The following PCSK2 variants were observed in gnomAD, a reference collection of about 807,000 sequenced individuals.
The protein encoded by PCSK2 is proprotein convertase subtilisin/kexin type 2, also known as neuroendocrine convertase 2.
PCSK2 carries 14 observed loss-of-function variants against 69.7 expected under a neutral mutation model. That is an observed-to-expected ratio of 0.20 (90% confidence interval 0.13 to 0.31). The LOEUF is 0.31. PCSK2 is among the 10% of genes least tolerant of loss of function. The pLI is 1.00. For synonymous variants in PCSK2, 307 were observed against 320.7 expected, an observed-to-expected ratio of 0.96 and a Z score of 0.46; for missense variants, 544 against 842.5, an observed-to-expected ratio of 0.65 and a Z score of 4.39.
rs57033523 is a variant in PCSK2, at chr20:17,324,639, C to T, written c.283-33688C>T. Among the ~76,000 whole-genome samples the T allele has an allele frequency of 4.6e-3, 701 of 152,220 alleles. 5 individuals are homozygous for T. Among genetic ancestry groups the T allele is most frequent in the African/African-American group, 0.016 (663 of 41,538 alleles). On this transcript the variant is annotated intron_variant, in intron 2 of 11. Transcript: ENST00000262545. ...TGCCAGATTCCACAACCCAGATACT[C>T]CCCCTACTGCTGAATGTTCAGCTAT...
chr20:17,390,121 T>C (rs1349078163), intron 5 of PCSK2, among the ~76,000 whole-genome samples: 2 of 152,226 alleles, frequency 1.3e-5, no homozygotes, highest in Non-Finnish European at 2.9e-5. Flanking sequence ...AATCTCCAAA[T>C]GTTGTTAGCT....
intron 5 of PCSK2, among the ~76,000 whole-genome samples, chr20:17,398,855 C>T (rs2031572694): frequency 6.6e-6 from 1 of 152,006 alleles, no homozygotes; most frequent in African/African-American, 2.4e-5. Context: ...AAAAGCTCTC[C>T]AGGTGATTCT....
rs57992396 is a variant in PCSK2 at position 17,397,637 on chromosome 20, C to T, written c.544-11626C>T. 4.6e-3 allele frequency among the ~76,000 whole-genome samples: 696 copies of T among 152,210 alleles called. 5 individuals carry two copies. Among genetic ancestry groups the T allele is most frequent in the African/African-American group, 0.016 (652 of 41,514 alleles). On this transcript the variant is annotated intron_variant, in intron 5 of 11. Transcript: ENST00000262545. ...GAGATTACAGGTGCCCGCCACCATG[C>T]CCAGCTGATTTTTGTATTTTTAGTA... is the stretch of plus-strand genomic sequence containing the variant.
intron 8 of PCSK2, 71 bp downstream of exon 8, chr20:17,436,954 A>G (rs929847024): frequency 1.0e-5 from 13 of 1,304,186 alleles, no homozygotes; most frequent in Non-Finnish European, 1.4e-5. Context: ...GGTAGATGCA[A>G]CTGGGTGAAC....
At chr20:17,310,054 G>A (rs992651632) in intron 2 of PCSK2, among the ~76,000 whole-genome samples, 12 of 152,056 alleles carry the variant, frequency 7.9e-5, no homozygotes, top group Non-Finnish European at 1.3e-4. Context: ...AGGGGGAGCA[G>A]GCATCTTCCA....
At chr20:17,303,455 TTAAATATAATATATATTATATATAATA>T (rs1194592446) in intron 2 of PCSK2, among the ~76,000 whole-genome samples, 2 of 58,690 alleles carry the variant, frequency 3.4e-5, no homozygotes, top group Non-Finnish European at 7.2e-5. Flanking sequence ...ATATATTATA[TTAAATATAATATATATTATATATAATA>T]TATATTATAT....
At chr20:17,379,005 GC>G (rs1156915140) in intron 5 of PCSK2, among the ~76,000 whole-genome samples, 1 of 152,060 alleles carries the variant, frequency 6.6e-6, no homozygotes, top group Non-Finnish European at 1.5e-5. Flanking sequence ...AGGTGACCAA[GC>G]CTTACAAATA....
chr20:17,228,770 A>G (rs1213957230), intron 1 of PCSK2, among the ~76,000 whole-genome samples: 1 of 152,118 alleles, frequency 6.6e-6, no homozygotes, highest in African/African-American at 2.4e-5. Flanking sequence ...CCTCCTCCTA[A>G]GGGCGTAGGC....
At chr20:17,456,290 T>C (rs886570719) in intron 9 of PCSK2, 58 bp from the exon 10 acceptor site, 13 of 873,660 alleles carry the variant, frequency 1.5e-5, no homozygotes, top group Admixed American at 8.8e-5. Flanking sequence ...CTCCACATTG[T>C]GCGGGGGTTC....
chr20:17,381,896 A>T (rs1016072560), intron 5 of PCSK2, among the ~76,000 whole-genome samples: 1 of 152,152 alleles, frequency 6.6e-6, no homozygotes, highest in Non-Finnish European at 1.5e-5. Flanking sequence ...ATGGGCACTG[A>T]GTCATTTGAT....
At chr20:17,247,226 T>A (rs974799962) in intron 1 of PCSK2, among the ~76,000 whole-genome samples, 2 of 152,122 alleles carry the variant, frequency 1.3e-5, no homozygotes, top group Non-Finnish European at 2.9e-5. Flanking sequence ...CCATCCCTAC[T>A]CCTGGGCATC....
At chr20:17,473,739 A>G (rs1180372299) in intron 11 of PCSK2, among the ~76,000 whole-genome samples, 2 of 152,202 alleles carry the variant, frequency 1.3e-5, no homozygotes, top group East Asian at 1.9e-4. Context: ...ATGCCAGCCA[A>G]AAAAACCTGA....
At chr20:17,296,453 C>G (rs903224736) in intron 2 of PCSK2, among the ~76,000 whole-genome samples, 1 of 152,322 alleles carries the variant, frequency 6.6e-6, no homozygotes, top group Admixed American at 6.5e-5. Context: ...TGCCAAACCA[C>G]TCGCGCCCCT....
At chr20:17,260,142 C>A in intron 1 of PCSK2, 98 bp from the exon 2 acceptor site, 1 of 758,262 alleles carries the variant, frequency 1.3e-6, no homozygotes, top group Non-Finnish European at 2.4e-6. Context: ...TACTTCCCTA[C>A]CCCATGGAGC....
At chr20:17,401,155 A>G (rs1310166504) in intron 5 of PCSK2, among the ~76,000 whole-genome samples, 1 of 152,250 alleles carries the variant, frequency 6.6e-6, no homozygotes, top group Non-Finnish European at 1.5e-5. Flanking sequence ...GTGTCCCCTC[A>G]TTCTCAAAAT....
chr20:17,428,489 G>A lies in PCSK2; in HGVS notation c.621-946G>A, dbSNP rs537692044. Among the ~76,000 whole-genome samples, 36 of 152,222 alleles carry A rather than the reference G, an allele frequency of 2.4e-4. No individual in the cohort carries two copies. The South Asian group carries it at 7.3e-3, about 31-fold the overall frequency. On this transcript the variant is annotated intron_variant, in intron 6 of 11. Transcript: ENST00000262545. ...GCGATAGCTTTGCTTGCCCCAAGAG[G>A]ATGTCCCAGACAGTGCACTAGTTGA... is the stretch of plus-strand genomic sequence containing the variant.
At chr20:17,455,245 G>A (rs538981020) in intron 9 of PCSK2, among the ~76,000 whole-genome samples, 1 of 152,204 alleles carries the variant, frequency 6.6e-6, no homozygotes, top group Admixed American at 6.5e-5. Flanking sequence ...TTGCTCAATA[G>A]ATGCCCTTAA....
intron 1 of PCSK2, among the ~76,000 whole-genome samples, chr20:17,251,833 T>C (rs1221955550): frequency 6.6e-6 from 1 of 152,154 alleles, no homozygotes; most frequent in South Asian, 2.1e-4. Flanking sequence ...TTGGGAAGAC[T>C]CAACAGCTAG....
At chr20:17,376,339 A>G (rs1371005771) in intron 5 of PCSK2, among the ~76,000 whole-genome samples, 1 of 152,238 alleles carries the variant, frequency 6.6e-6, no homozygotes, top group African/African-American at 2.4e-5. Context: ...CTCGTAAGCT[A>G]TCTAAACACC....
Sources: allele counts gnomAD v4.1 joint callset (sites outside exome capture counted in the v4.1 genomes callset), GRCh38; gene constraint gnomAD v4.1.1; transcripts MANE v1.5; gene names NCBI Gene and HGNC (gene_info 2026-07-23, HGNC 2026-07-21).